Variants in PLEK observed in about 807,000 individuals in gnomAD.
The protein encoded by PLEK is platelet 47 kDa protein.
PLEK carries 25 observed loss-of-function variants against 43.9 expected under a neutral mutation model. The ratio of observed to expected loss-of-function variants is 0.57; its 90% CI spans 0.41 to 0.79. The LOEUF is 0.79. Among genes scored for constraint, PLEK ranks in the 30% least tolerant of loss-of-function variants. PLEK has a pLI of 0.00. For missense variants in PLEK, 396 were observed against 413.3 expected, an observed-to-expected ratio of 0.96 and a Z score of 0.36; for synonymous variants, 152 against 144.4, an observed-to-expected ratio of 1.05 and a Z score of -0.38.
At chr2:68,394,976 C>G (rs1157163792) in intron 8 of PLEK, among the ~76,000 whole-genome samples, 5 of 151,964 alleles carry the variant, frequency 3.3e-5, no homozygotes, top group Admixed American at 3.3e-4. Flanking sequence ...TCCACTCCCA[C>G]CACCTAGAAT....
intron 4 of PLEK, among the ~76,000 whole-genome samples, chr2:68,384,378 C>G (rs1227819926): frequency 6.6e-6 from 1 of 152,122 alleles, no homozygotes; most frequent in African/African-American, 2.4e-5. Flanking sequence ...ATGTGCACCA[C>G]CATGCCTGGC....
At chr2:68,391,526 A>G (rs748740835) in intron 6 of PLEK, among the ~76,000 whole-genome samples, 6 of 152,238 alleles carry the variant, frequency 3.9e-5, no homozygotes, top group Admixed American at 2.0e-4. Flanking sequence ...CTGTCCTTGC[A>G]TATGACTCTG....
In PLEK at chr2:68,386,509, C is replaced by T. The variant is rs151222226; in HGVS notation, c.480C>T (p.Cys160=). 1.5e-5 allele frequency: 24 copies of T among 1,612,980 alleles called. No individual in the cohort carries two copies. Among genetic ancestry groups the T allele is most frequent in the Middle Eastern group, 3.3e-4 (2 of 5,998 alleles). The change falls in exon 5 of 9, where the codon TGC becomes TGT. Residue 160 remains cysteine (C), a synonymous_variant. Transcript: ENST00000234313. ...KIFNHCFTGN[C]VIDWLVSNQS... The stretch of plus-strand genomic sequence containing the variant: ...TGTGCTGGTCCCATCTAGGTAACTG[C>T]GTCATTGATTGGCTGGTATCCAACC...
At position 68,395,756 on chromosome 2, in the gene PLEK, C is replaced by T. The variant is rs1673950986; in HGVS notation, c.993C>T (p.Thr331=). Residue 331 remains threonine (T), a synonymous_variant, in exon 9 of 9, where the codon ACC becomes ACT. Transcript: ENST00000234313. Reference sequence around the variant, plus strand: ...TGCACTATTTCTTGCAAGCAGCCACCCCCAAGGAGCGCACAGAGTGGATCA... The same window carrying T: ...TGCACTATTTCTTGCAAGCAGCCACTCCCAAGGAGCGCACAGAGTGGATCA... The part of the protein sequence containing the change: ...DEVHYFLQAA[T]PKERTEWIRA... 1 of 1,613,770 alleles carries T rather than the reference C, an allele frequency of 6.2e-7. No homozygotes were observed. The highest frequency in any genetic ancestry group is 1.1e-5 in the South Asian group (1 of 91,078).
At chr2:68,369,206 G>T (rs1673342865) in intron 1 of PLEK, among the ~76,000 whole-genome samples, 1 of 152,186 alleles carries the variant, frequency 6.6e-6, no homozygotes, top group Admixed American at 6.5e-5. Context: ...TCAACAAAAT[G>T]GGGACAATTA....
intron 5 of PLEK, 59 bp downstream of exon 5, chr2:68,386,745 G>T (rs1673751999): frequency 1.5e-6 from 2 of 1,355,268 alleles, no homozygotes; most frequent in East Asian, 4.6e-5. Flanking sequence ...GCAGATTCTA[G>T]ATTGATTTCA....
intron 1 of PLEK, among the ~76,000 whole-genome samples, chr2:68,366,076 G>A (rs1409032370): frequency 6.6e-6 from 1 of 152,072 alleles, no homozygotes; most frequent in Non-Finnish European, 1.5e-5. Flanking sequence ...GTCTTTCTTC[G>A]GATGCTGAGT....
intron 6 of PLEK, 32 bp from the exon 7 acceptor site, chr2:68,393,130 A>G (rs1673892764): frequency 1.6e-6 from 2 of 1,279,906 alleles, no homozygotes; most frequent in Admixed American, 1.7e-5. Flanking sequence ...GGAATTCACC[A>G]TCCCTTCTTT....
intron 4 of PLEK, among the ~76,000 whole-genome samples, chr2:68,383,327 T>C (rs1673667659): frequency 6.6e-6 from 1 of 152,212 alleles, no homozygotes; most frequent in South Asian, 2.1e-4. Context: ...TGGTCACATG[T>C]CTGTACAACC....
chr2:68,379,142 A>G lies in PLEK; in HGVS notation c.43-1186A>G, dbSNP rs138161889. Among the ~76,000 whole-genome samples, 12 of 152,232 alleles carry G rather than the reference A, an allele frequency of 7.9e-5. No homozygotes were observed. In the East Asian group the frequency reaches 2.3e-3, roughly 29 times the overall value. On this transcript the variant is annotated intron_variant, in intron 1 of 8. Coordinates refer to ENST00000234313, the MANE Select transcript of PLEK (RefSeq NM_002664.3). ...GAGGGAGAACCTGTCTCAAAAAAAT[A>G]AAAATAAAAATAAAATTTAAAAAAA... is the stretch of plus-strand genomic sequence containing the variant.
chr2:68,366,354 T>C (rs1315640235), intron 1 of PLEK, among the ~76,000 whole-genome samples: 1 of 152,230 alleles, frequency 6.6e-6, no homozygotes, highest in Non-Finnish European at 1.5e-5. Flanking sequence ...ATAGCACACA[T>C]TGCTGCCTGC....
Position 68,394,177 on chromosome 2 carries a change from G to A in PLEK, c.916+1G>A. On this transcript the variant is annotated splice_donor_variant, in intron 8 of 8. Transcript: ENST00000234313. LOFTEE classifies it high-confidence loss of function. The stretch of plus-strand genomic sequence containing the variant: ...ACTTCAGTGGAGAGCAACTCAAATG[G>A]TAAGATGAATTTCTGTGTGAGAGAG... The A allele has an allele frequency of 6.3e-7, 1 of 1,587,078 alleles. No homozygotes were observed. The highest frequency in any genetic ancestry group is 8.7e-7 in the Non-Finnish European group (1 of 1,155,402).
chr2:68,376,557 C>T (rs928044433), intron 1 of PLEK, among the ~76,000 whole-genome samples: 5 of 142,160 alleles, frequency 3.5e-5, no homozygotes, highest in African/African-American at 1.4e-4. Flanking sequence ...TTAATCATTT[C>T]ATTATGTCTT....
chr2:68,374,627 G>A (rs1673469080), intron 1 of PLEK, among the ~76,000 whole-genome samples: 1 of 152,154 alleles, frequency 6.6e-6, no homozygotes, highest in Admixed American at 6.5e-5. Context: ...TAAAGACAGA[G>A]ACATTTCTAG....
intron 4 of PLEK, among the ~76,000 whole-genome samples, chr2:68,385,688 C>G (rs1673726407): frequency 6.6e-6 from 1 of 152,178 alleles, no homozygotes. Flanking sequence ...CCTCTGCATC[C>G]TGCTTCATAT....
intron 1 of PLEK, among the ~76,000 whole-genome samples, chr2:68,371,060 A>G (rs1339410971): frequency 6.6e-6 from 1 of 152,174 alleles, no homozygotes; most frequent in Non-Finnish European, 1.5e-5. Context: ...ATAGAAGACT[A>G]AAGGGGGAAA....
intron 1 of PLEK, among the ~76,000 whole-genome samples, chr2:68,366,023 C>T (rs947210747): frequency 2.6e-5 from 4 of 152,098 alleles, no homozygotes; most frequent in African/African-American, 9.7e-5. Flanking sequence ...GGCTTAGCCT[C>T]CCTGGTGTGC....
intron 8 of PLEK, among the ~76,000 whole-genome samples, chr2:68,394,827 T>C (rs1474360803): frequency 6.6e-6 from 1 of 152,238 alleles, no homozygotes; most frequent in Non-Finnish European, 1.5e-5. Flanking sequence ...GGACAAATTG[T>C]ATCTCTGGGG....
intron 8 of PLEK, 148 bp downstream of exon 8, chr2:68,394,324 C>A (rs560503288): frequency 6.5e-4 from 430 of 659,652 alleles, no homozygotes; most frequent in Admixed American, 1.2e-3. Context: ...GTAATCCCGG[C>A]ACTTTGGGAG....
Sources: allele counts gnomAD v4.1 joint callset (sites outside exome capture counted in the v4.1 genomes callset), GRCh38; gene constraint gnomAD v4.1.1; transcripts MANE v1.5; gene names NCBI Gene and HGNC (gene_info 2026-07-23, HGNC 2026-07-21).